The following SGCZ variants were observed in gnomAD, a reference collection of about 807,000 sequenced individuals.
SGCZ encodes the protein sarcoglycan zeta, also known as zeta-sarcoglycan.
Under a neutral mutation model 41.3 loss-of-function variants are expected in SGCZ, and 40 were observed. That is an observed-to-expected ratio of 0.97 (90% CI 0.75 to 1.26). SGCZ has a LOEUF of 1.26. SGCZ is among the 50% of genes most tolerant of loss of function. The pLI is 0.00. For missense variants in SGCZ, 552 were observed against 369.8 expected (o/e 1.49, Z -4.04); for synonymous variants, 206 against 137.5 (o/e 1.50, Z -3.49).
intron 1 of SGCZ, among the ~76,000 whole-genome samples, chr8:15,028,720 A>G (rs1386679349): frequency 1.3e-5 from 2 of 152,078 alleles, no homozygotes; most frequent in Non-Finnish European, 2.9e-5. Flanking sequence ...AGCTTTAATC[A>G]TTCCTTTTCT....
intron 1 of SGCZ, among the ~76,000 whole-genome samples, chr8:14,953,138 G>T (rs893074660): frequency 6.6e-6 from 1 of 152,006 alleles, no homozygotes; most frequent in African/African-American, 2.4e-5. Flanking sequence ...CCTGAAACTG[G>T]GTAATCTGTG....
chr8:14,683,042 A>G (rs139901769), intron 1 of SGCZ, among the ~76,000 whole-genome samples: 22 of 152,282 alleles, frequency 1.4e-4, no homozygotes, highest in African/African-American at 2.4e-4. Flanking sequence ...AAATATTTCT[A>G]TAAGGTACAA....
At chr8:14,128,471 C>G (rs770639475) in intron 5 of SGCZ, among the ~76,000 whole-genome samples, 1 of 152,120 alleles carries the variant, frequency 6.6e-6, no homozygotes, top group Non-Finnish European at 1.5e-5. Context: ...ATTACTACAA[C>G]CTCTATGGAA....
intron 5 of SGCZ, among the ~76,000 whole-genome samples, chr8:14,126,791 A>C (rs1451551384): frequency 1.3e-5 from 2 of 152,228 alleles, no homozygotes; most frequent in Non-Finnish European, 2.9e-5. Context: ...ACACCACGGA[A>C]TACTATGCAG....
At chr8:15,022,325 A>G (rs777165816) in intron 1 of SGCZ, among the ~76,000 whole-genome samples, 2 of 152,062 alleles carry the variant, frequency 1.3e-5, no homozygotes, top group Non-Finnish European at 2.9e-5. Context: ...AAATGAAATG[A>G]TATCTTTTTT....
intron 2 of SGCZ, among the ~76,000 whole-genome samples, chr8:14,462,762 A>G (rs187164433): frequency 6.4e-4 from 98 of 152,040 alleles, no homozygotes; most frequent in Non-Finnish European, 1.1e-3. Context: ...AGAAAAAGTC[A>G]TTGGGATTTG....
chr8:14,635,069 A>G (rs1381470709), intron 1 of SGCZ, among the ~76,000 whole-genome samples: 1 of 131,102 alleles, frequency 7.6e-6, no homozygotes, highest in East Asian at 3.3e-4. Context: ...ATTATAATTT[A>G]AAAACATATA....
intron 5 of SGCZ, among the ~76,000 whole-genome samples, chr8:14,153,351 G>A (rs774648755): frequency 6.6e-6 from 1 of 152,076 alleles, no homozygotes; most frequent in Non-Finnish European, 1.5e-5. Context: ...TTCTTCCAGG[G>A]GAAAGTTTTG....
Position 14,649,903 on chromosome 8 carries a change from A to G in SGCZ, c.40-94977T>C, listed in dbSNP as rs374276181. Among the ~76,000 whole-genome samples the G allele has an allele frequency of 3.9e-5, 6 of 151,996 alleles. No individual in the cohort carries two copies. The East Asian group carries it at 9.7e-4, about 25-fold the overall frequency. On this transcript the variant is annotated intron_variant, in intron 1 of 7. Transcript: ENST00000382080. ...AGCCTAGAAATAGCTTGATGAGAAG[A>G]TTGTGAGTTCACCACAAGAGAAAGT...
intron 1 of SGCZ, among the ~76,000 whole-genome samples, chr8:15,028,940 G>C (rs933567924): frequency 9.2e-5 from 14 of 152,008 alleles, no homozygotes; most frequent in Non-Finnish European, 1.8e-4. Flanking sequence ...ATCAAGTTTT[G>C]TGAATGAATA....
intron 1 of SGCZ, among the ~76,000 whole-genome samples, chr8:15,139,095 G>T (rs1808223150): frequency 6.6e-6 from 1 of 152,132 alleles, no homozygotes; most frequent in Non-Finnish European, 1.5e-5. Context: ...TGGGGCAAAT[G>T]AATATAAACA....
intron 1 of SGCZ, among the ~76,000 whole-genome samples, chr8:14,975,046 C>A (rs896715554): frequency 2.6e-5 from 4 of 152,124 alleles, no homozygotes; most frequent in African/African-American, 9.7e-5. Flanking sequence ...AGAATTCCAG[C>A]CTCGGATCCC....
chr8:14,107,712 C>T (rs1290820570), intron 6 of SGCZ, among the ~76,000 whole-genome samples: 1 of 152,140 alleles, frequency 6.6e-6, no homozygotes, highest in Non-Finnish European at 1.5e-5. Flanking sequence ...GATCATATCT[C>T]ACTGCAGCCA....
chr8:14,895,041 G>C (rs954210545), intron 1 of SGCZ, among the ~76,000 whole-genome samples: 33 of 152,156 alleles, frequency 2.2e-4, no homozygotes, highest in Admixed American at 8.5e-4. Context: ...CTTTACTTCA[G>C]TTGTATTAGG....
chr8:14,589,149 C>G (rs928883543), intron 1 of SGCZ, among the ~76,000 whole-genome samples: 2 of 151,942 alleles, frequency 1.3e-5, no homozygotes, highest in African/African-American at 2.4e-5. Flanking sequence ...CAAACCTGCA[C>G]GTTGTGCACA....
chr8:14,984,336 G>C (rs1347970237), intron 1 of SGCZ, among the ~76,000 whole-genome samples: 1 of 152,074 alleles, frequency 6.6e-6, no homozygotes, highest in Non-Finnish European at 1.5e-5. Context: ...AAAAACTGTA[G>C]CATATCAACA....
intron 1 of SGCZ, among the ~76,000 whole-genome samples, chr8:15,098,252 G>T (rs546618127): frequency 3.3e-5 from 5 of 152,196 alleles, no homozygotes; most frequent in Admixed American, 1.3e-4. Flanking sequence ...AGGAAAAAAG[G>T]AAAACTGAAA....
chr8:15,140,456 T>C (rs1808277976), intron 1 of SGCZ, among the ~76,000 whole-genome samples: 1 of 152,188 alleles, frequency 6.6e-6, no homozygotes, highest in African/African-American at 2.4e-5. Context: ...TATCCTCATT[T>C]ATAGAAAGAT....
At chr8:14,958,875 G>A (rs1175167594) in intron 1 of SGCZ, among the ~76,000 whole-genome samples, 1 of 151,994 alleles carries the variant, frequency 6.6e-6, no homozygotes, top group African/African-American at 2.4e-5. Context: ...AGATATTTAG[G>A]GGATAAAACA....
Sources: allele counts gnomAD v4.1 joint callset (sites outside exome capture counted in the v4.1 genomes callset), GRCh38; gene constraint gnomAD v4.1.1; transcripts MANE v1.5; gene names NCBI Gene and HGNC (gene_info 2026-07-23, HGNC 2026-07-21).